The following PCDH15 variants were observed in gnomAD, a reference collection of about 807,000 sequenced individuals.
PCDH15 encodes the protein protocadherin related 15.
A neutral mutation model predicts 178.5 loss-of-function variants in PCDH15; 129 were observed. The ratio of observed to expected loss-of-function variants is 0.72; its 90% confidence interval spans 0.63 to 0.84. The LOEUF (loss-of-function observed/expected upper bound fraction) is 0.84. Among genes scored for constraint, PCDH15 ranks in the 40% least tolerant of loss-of-function variants. PCDH15 has a pLI of 0.00. For missense variants in PCDH15, 2,230 were observed against 2,099.9 expected, an observed-to-expected ratio of 1.06 and a Z score of -1.21; for synonymous variants, 800 against 732.0, an observed-to-expected ratio of 1.09 and a Z score of -1.50.
In PCDH15 at chr10:53,805,863, CTAAAG is replaced by C. The variant is rs1195457507; in HGVS notation, c.*711_*715del. 1 of 151,860 alleles carries C rather than the reference CTAAAG, an allele frequency of 6.6e-6. No homozygotes were observed. Among genetic ancestry groups the C allele is most frequent in the Non-Finnish European group, 1.5e-5 (1 of 67,996 alleles). 9.4% of individuals were successfully genotyped at this position (151,860 alleles called of 1,614,324 possible). On this transcript the variant is annotated 3_prime_UTR_variant, in exon 38 of 38. Transcript: ENST00000644397. ...TTTAACCTCAAGTGATTAAACTAAA[CTAAAG>C]TATCTACCATATTTGATATGAGATG...
intron 2 of PCDH15, among the ~76,000 whole-genome samples, chr10:54,579,846 G>A (rs2090871454): frequency 6.6e-6 from 1 of 152,052 alleles, no homozygotes; most frequent in Non-Finnish European, 1.5e-5. Context: ...ACCACACAAT[G>A]ACATGCAAAT....
chr10:54,063,638 G>A (rs2094076555), intron 18 of PCDH15, among the ~76,000 whole-genome samples: 1 of 152,200 alleles, frequency 6.6e-6, no homozygotes, highest in South Asian at 2.1e-4. Context: ...AGCTGTGTTT[G>A]TATCACCCAC....
chr10:54,563,042 G>T (rs1481945331), intron 2 of PCDH15, among the ~76,000 whole-genome samples: 1 of 152,082 alleles, frequency 6.6e-6, no homozygotes, highest in African/African-American at 2.4e-5. Context: ...TGAATTCTTA[G>T]CAGGCTTCAA....
chr10:54,602,857 A>C (rs2092598999), intron 2 of PCDH15, among the ~76,000 whole-genome samples: 1 of 151,916 alleles, frequency 6.6e-6, no homozygotes, highest in African/African-American at 2.4e-5. Context: ...GTGTTGTTGC[A>C]TTCAGTTTGC....
At chr10:55,475,199 A>T (rs896046015) in intron 2 of PCDH15, among the ~76,000 whole-genome samples, 2 of 152,096 alleles carry the variant, frequency 1.3e-5, no homozygotes, top group Non-Finnish European at 2.9e-5. Context: ...AAGGAAGGGC[A>T]TTAATTTACT....
At chr10:55,543,695 C>G (rs1009994522) in intron 2 of PCDH15, among the ~76,000 whole-genome samples, 4 of 150,968 alleles carry the variant, frequency 2.6e-5, no homozygotes, top group Non-Finnish European at 5.9e-5. Context: ...TTTTACAGAC[C>G]AGAAAAATCT....
intron 3 of PCDH15, among the ~76,000 whole-genome samples, chr10:54,444,062 T>A (rs2075999738): frequency 6.6e-6 from 1 of 151,704 alleles, no homozygotes; most frequent in African/African-American, 2.4e-5. Context: ...TAAAACTAAT[T>A]CAGAATGTCT....
At chr10:54,661,581 A>ATG (rs2094493203) in intron 2 of PCDH15, among the ~76,000 whole-genome samples, 1 of 152,078 alleles carries the variant, frequency 6.6e-6, no homozygotes, top group East Asian at 1.9e-4. Context: ...CCAAAAAAAG[A>ATG]GCCTTAATAG....
intron 2 of PCDH15, among the ~76,000 whole-genome samples, chr10:55,559,333 CT>C (rs1233671712): frequency 6.6e-6 from 1 of 151,928 alleles, no homozygotes; most frequent in African/African-American, 2.4e-5. Flanking sequence ...TGTATAACAA[CT>C]TTTGTTACAT....
At chr10:55,582,312 A>T (rs1344544384) in intron 2 of PCDH15, among the ~76,000 whole-genome samples, 2 of 152,128 alleles carry the variant, frequency 1.3e-5, no homozygotes, top group Non-Finnish European at 2.9e-5. Flanking sequence ...TGCTGAGAAA[A>T]TAATCTACCA....
chr10:55,363,084 G>A (rs904482114), intron 2 of PCDH15, among the ~76,000 whole-genome samples: 2 of 152,184 alleles, frequency 1.3e-5, no homozygotes, highest in African/African-American at 4.8e-5. Context: ...GAAAGCTTGG[G>A]TTAAAGAACT....
chr10:54,188,054 A>G (rs1024114637), intron 11 of PCDH15, among the ~76,000 whole-genome samples: 6 of 151,782 alleles, frequency 4.0e-5, no homozygotes, highest in South Asian at 2.1e-4. Context: ...CAACTAACCT[A>G]TTGTTTTGAT....
At chr10:54,886,890 C>T (rs1239490575) in intron 3 of PCDH15, among the ~76,000 whole-genome samples, 1 of 152,196 alleles carries the variant, frequency 6.6e-6, no homozygotes, top group East Asian at 1.9e-4. Context: ...TAACAGGAAA[C>T]TCTGTGTATA....
intron 8 of PCDH15, among the ~76,000 whole-genome samples, chr10:54,292,951 T>C (rs1335683618): frequency 6.6e-6 from 1 of 152,052 alleles, no homozygotes; most frequent in Non-Finnish European, 1.5e-5. Flanking sequence ...CTTCACAGAA[T>C]TGGAAAAAAA....
intron 2 of PCDH15, among the ~76,000 whole-genome samples, chr10:55,381,383 C>G (rs1009607676): frequency 3.9e-5 from 6 of 152,128 alleles, no homozygotes; most frequent in Non-Finnish European, 2.9e-5. Context: ...CTCTCTCTCT[C>G]CAGCACCTTT....
upstream of PCDH15, among the ~76,000 whole-genome samples, chr10:54,804,955 T>TATATATA (rs1952756517): frequency 7.3e-5 from 1 of 13,632 alleles, no homozygotes; most frequent in Admixed American, 1.0e-3. Context: ...ATATACAGAG[T>TATATATA]TTGCTACAGT....
chr10:54,832,940 C>CT (rs945638304), intron 3 of PCDH15, among the ~76,000 whole-genome samples: 1 of 151,990 alleles, frequency 6.6e-6, no homozygotes, highest in Non-Finnish European at 1.5e-5. Flanking sequence ...GAAACTAAGA[C>CT]TTTTTTGCAA....
chr10:54,135,622 C>A (rs981477759), intron 14 of PCDH15, among the ~76,000 whole-genome samples: 6 of 152,144 alleles, frequency 3.9e-5, no homozygotes, highest in Non-Finnish European at 7.4e-5. Context: ...ATCTTGGCTT[C>A]TTTTAGGGTC....
At chr10:55,392,469 G>GT (rs980649522) in intron 2 of PCDH15, among the ~76,000 whole-genome samples, 3 of 152,114 alleles carry the variant, frequency 2.0e-5, no homozygotes, top group South Asian at 4.1e-4. Flanking sequence ...CTAAGGTATA[G>GT]TTTTTTGTTC....
Sources: gnomAD v4.1 joint callset for allele counts (sites outside exome capture counted in the v4.1 genomes callset) on GRCh38, gnomAD v4.1.1 for gene constraint, MANE v1.5 for transcripts, NCBI Gene and HGNC (gene_info 2026-07-23, HGNC 2026-07-21) for gene names.